CPM: variants seen among roughly 807,000 people sequenced by gnomAD.
The protein encoded by CPM is renal carboxypeptidase.
CPM carries 35 observed loss-of-function variants against 46.4 expected under a neutral mutation model. The observed-to-expected ratio is 0.75, with a 90% confidence interval of 0.58 to 1.00. The LOEUF is 1.00. Ranked by LOEUF, CPM falls within the 50% of genes least tolerant of loss-of-function variation. CPM has a pLI of 0.00. For missense variants in CPM, 422 were observed against 530.4 expected, an observed-to-expected ratio of 0.80 and a Z score of 2.01; for synonymous variants, 195 against 195.3, an observed-to-expected ratio of 1.00 and a Z score of 0.01.
chr12:68,941,170 C>CGTGT (rs370705580), intron 1 of CPM, among the ~76,000 whole-genome samples: 10,097 of 140,458 alleles, frequency 0.072, 632 homozygotes, highest in African/African-American at 0.16. Context: ...GTGCTGAGTA[C>CGTGT]GTGTGTGTGT....
At chr12:68,902,594 A>C (rs1423143006) in intron 2 of CPM, among the ~76,000 whole-genome samples, 1 of 152,232 alleles carries the variant, frequency 6.6e-6, no homozygotes, top group Non-Finnish European at 1.5e-5. Flanking sequence ...ATCAGAGGAA[A>C]AACTCAAGGA....
chr12:68,945,505 G>C (rs1436783400), intron 1 of CPM, among the ~76,000 whole-genome samples: 1 of 152,240 alleles, frequency 6.6e-6, no homozygotes, highest in Non-Finnish European at 1.5e-5. Flanking sequence ...TTGACAGGGG[G>C]TATAGTTGGG....
At chr12:68,941,424 A>G (rs1480402296) in intron 1 of CPM, among the ~76,000 whole-genome samples, 1 of 151,554 alleles carries the variant, frequency 6.6e-6, no homozygotes, top group Non-Finnish European at 1.5e-5. Flanking sequence ...CCCAGGCTGG[A>G]GTGCAGTGAC....
upstream of CPM, among the ~76,000 whole-genome samples, chr12:68,937,960 G>GA (rs1442520097): frequency 2.0e-5 from 3 of 152,180 alleles, no homozygotes; most frequent in African/African-American, 7.2e-5. Context: ...CAAAAGTGAA[G>GA]AGGAGGTAAA....
intron 2 of CPM, among the ~76,000 whole-genome samples, chr12:68,929,069 G>A (rs987292400): frequency 6.6e-6 from 1 of 152,034 alleles, no homozygotes; most frequent in South Asian, 2.1e-4. Flanking sequence ...TTGGGGTTTT[G>A]TATGTAGCAG....
intron 3 of CPM, among the ~76,000 whole-genome samples, chr12:68,884,110 GAAAAAAA>G (rs35514888): frequency 3.0e-4 from 19 of 63,862 alleles, no homozygotes; most frequent in Admixed American, 1.3e-3. Flanking sequence ...AATTCCATCG[GAAAAAAA>G]AAAAAAAAAA....
At chr12:68,914,077 T>C (rs1235307142) in intron 2 of CPM, 1 of 608,468 alleles carries the variant, frequency 1.6e-6, no homozygotes, top group Non-Finnish European at 3.1e-6. Context: ...AGGCTTGGAA[T>C]CTGGGTAATT....
chr12:68,940,697 A>C (rs1888746905), intron 1 of CPM, among the ~76,000 whole-genome samples: 3 of 151,902 alleles, frequency 2.0e-5, no homozygotes, highest in Admixed American at 2.0e-4. Context: ...TGAGAAGGGC[A>C]CTGAGACTTT....
intron 2 of CPM, among the ~76,000 whole-genome samples, chr12:68,905,240 A>T (rs7968262): frequency 0.14 from 21,829 of 151,820 alleles, 1,870 homozygotes; most frequent in African/African-American, 0.23. Flanking sequence ...AACATCTCTC[A>T]TGATACGCAT....
At chr12:68,887,665 T>G (rs1459837615) in intron 2 of CPM, among the ~76,000 whole-genome samples, 1 of 152,186 alleles carries the variant, frequency 6.6e-6, no homozygotes, top group African/African-American at 2.4e-5. Context: ...ATTGCACAAA[T>G]AAGCCACATG....
At chr12:68,914,218 A>G (rs957256886) in intron 2 of CPM, among the ~76,000 whole-genome samples, 2 of 152,238 alleles carry the variant, frequency 1.3e-5, no homozygotes, top group African/African-American at 4.8e-5. Flanking sequence ...CAGCTTAAAG[A>G]GCACAAGGCC....
chr12:68,952,052 T>G (rs1258702938), intron 1 of CPM, among the ~76,000 whole-genome samples: 1 of 152,170 alleles, frequency 6.6e-6, no homozygotes, highest in African/African-American at 2.4e-5. Context: ...CATGTTGTGC[T>G]ATGGCATTTG....
At chr12:68,903,810 T>A (rs1887216555) in intron 2 of CPM, among the ~76,000 whole-genome samples, 1 of 152,064 alleles carries the variant, frequency 6.6e-6, no homozygotes, top group African/African-American at 2.4e-5. Flanking sequence ...CTGTCTCTCC[T>A]TCCCTCTGTC....
rs563680729 is a variant in CPM, at chr12:68,942,324, C to T, written c.-3-9484G>A. Among the ~76,000 whole-genome samples, 272 of 152,040 alleles carry T rather than the reference C, an allele frequency of 1.8e-3. 2 individuals carry two copies. Among genetic ancestry groups the T allele is most frequent in the Non-Finnish European group, 2.8e-3 (187 of 67,986 alleles). ...AAGGATTTGTATACACATTTGTGTT[C>T]GTGATAAATTTCTGAATCCTAGAAT... On this transcript the variant is annotated intron_variant, in intron 1 of 8. Transcript: ENST00000546373.
intron 1 of CPM, among the ~76,000 whole-genome samples, chr12:68,953,174 G>T (rs1409277125): frequency 1.3e-5 from 2 of 152,140 alleles, no homozygotes; most frequent in African/African-American, 4.8e-5. Context: ...CTCGATATTA[G>T]AAAGGAGCTC....
chr12:68,900,031 T>A (rs1003297633), intron 2 of CPM, among the ~76,000 whole-genome samples: 5 of 152,182 alleles, frequency 3.3e-5, no homozygotes, highest in Admixed American at 2.0e-4. Context: ...TATTTTTTTC[T>A]ATAGGACTGA....
chr12:68,911,706 T>C (rs148415377), intron 2 of CPM, among the ~76,000 whole-genome samples: 251 of 152,324 alleles, frequency 1.6e-3, no homozygotes, highest in Middle Eastern at 0.014. Context: ...GCCAATCATA[T>C]TCTGAGCACT....
intron 2 of CPM, chr12:68,913,848 T>C: frequency 1.5e-6 from 1 of 654,764 alleles, no homozygotes; most frequent in Non-Finnish European, 2.9e-6. Context: ...ACAACTCCCA[T>C]GAGGATGCGG....
At chr12:68,881,069 T>C (rs1217968279) in intron 3 of CPM, among the ~76,000 whole-genome samples, 4 of 152,226 alleles carry the variant, frequency 2.6e-5, no homozygotes, top group Non-Finnish European at 5.9e-5. Context: ...AAATGGGCCA[T>C]TTTAAGTTGA....
Sources: allele counts gnomAD v4.1 joint callset (sites outside exome capture counted in the v4.1 genomes callset), GRCh38; gene constraint gnomAD v4.1.1; transcripts MANE v1.5; gene names NCBI Gene and HGNC (gene_info 2026-07-23, HGNC 2026-07-21).